UBXN7: variants seen among roughly 807,000 people sequenced by gnomAD.
The protein encoded by UBXN7 is UBX domain protein 7, also known as UBX domain-containing protein 7.
UBXN7 carries 9 observed loss-of-function variants against 58.0 expected under a neutral mutation model. The observed-to-expected ratio is 0.16, with a 90% confidence interval of 0.09 to 0.27. UBXN7 has a LOEUF of 0.27. Ranked by LOEUF, UBXN7 falls within the 10% of genes least tolerant of loss-of-function variation. The probability of loss-of-function intolerance (pLI) is 1.00; values close to 1 mark genes in which losing one functional copy is unlikely to be tolerated. For missense variants in UBXN7, 328 were observed against 599.6 expected (o/e 0.55, Z 4.73); for synonymous variants, 208 against 205.0 (o/e 1.01, Z -0.12).
Position 196,356,114 on chromosome 3 carries a change from A to G in UBXN7, c.*571T>C, listed in dbSNP as rs1443328623. 1 of 152,712 alleles carries G rather than the reference A, an allele frequency of 6.5e-6. No homozygotes were observed. Among genetic ancestry groups the G allele is most frequent in the Non-Finnish European group, 1.5e-5 (1 of 68,072 alleles). The allele number at this position is 152,712 out of a possible 1,614,324, so 9.5% of individuals were successfully genotyped here. On this transcript the variant is annotated 3_prime_UTR_variant, in exon 11 of 11. Coordinates refer to ENST00000296328, the MANE Select transcript of UBXN7 (RefSeq NM_015562.2). The stretch of plus-strand genomic sequence containing the variant: ...AGGTTTTTAAGTATGATGAGCAATC[A>G]TTACAAGGGATGCTTTTTCCACGTA...
At chr3:196,397,459 C>T (rs1325147921) in intron 3 of UBXN7, 1 of 152,238 alleles carries the variant, frequency 6.6e-6, no homozygotes, top group Non-Finnish European at 1.5e-5. Flanking sequence ...AAAATTTACT[C>T]TCACGCAGAC....
intron 4 of UBXN7, 143 bp downstream of exon 4, chr3:196,393,411 G>T: frequency 2.8e-6 from 2 of 707,908 alleles, no homozygotes; most frequent in South Asian, 2.7e-5. Context: ...TAGCTCAGGG[G>T]AGAATTAATC....
rs146508027 is a variant in UBXN7, at chr3:196,363,481, C to T, written c.835-794G>A. Among the ~76,000 whole-genome samples, 1,212 of 151,560 alleles carry T rather than the reference C, an allele frequency of 8.0e-3. 13 individuals carry two copies. Among genetic ancestry groups the T allele is most frequent in the African/African-American group, 0.028 (1,158 of 41,266 alleles). The stretch of plus-strand genomic sequence containing the variant: ...ACCATCCTGGCCAACATGGTGAAAC[C>T]CCGCCTCTACTAAAAATGATTAAGC... On this transcript the variant is annotated intron_variant, in intron 8 of 10. Transcript: ENST00000296328.
rs537976564 is a variant in UBXN7 at position 196,394,997 on chromosome 3, T to C, written c.290-1378A>G. On this transcript the variant is annotated intron_variant, in intron 3 of 10. Coordinates refer to ENST00000296328, the MANE Select transcript of UBXN7 (RefSeq NM_015562.2). ...TGCTAGAATCAAAATGTTATCTTCC[T>C]ATATCTATGTGTTCTTAAACCTAAA... Among the ~76,000 whole-genome samples, 4 of 152,332 alleles carry C rather than the reference T, an allele frequency of 2.6e-5. No homozygotes were observed. The East Asian group carries it at 7.7e-4, about 29-fold the overall frequency.
rs141051117 is a variant in UBXN7, at chr3:196,371,211, A to G, written c.615+685T>C. Among the ~76,000 whole-genome samples, 39 of 152,336 alleles carry G rather than the reference A, an allele frequency of 2.6e-4. 1 individual carries two copies. The East Asian group carries it at 7.5e-3, about 29-fold the overall frequency. On this transcript the variant is annotated intron_variant, in intron 6 of 10. Coordinates refer to ENST00000296328, the MANE Select transcript of UBXN7 (RefSeq NM_015562.2). ...CTGTCTAATACAGCAACCACTACCC[A>G]CAAGTGGCTACTGAAGCACCTGAAA...
chr3:196,403,163 T>TG (rs938849552), intron 2 of UBXN7, 144 bp from the exon 3 acceptor site: 68 of 843,646 alleles, frequency 8.1e-5, no homozygotes, highest in East Asian at 4.1e-4. Context: ...GCTATTTTTT[T>TG]GGGGGGGCGG....
intron 5 of UBXN7, among the ~76,000 whole-genome samples, chr3:196,377,384 C>A (rs1208396648): frequency 1.3e-5 from 2 of 152,160 alleles, no homozygotes; most frequent in Admixed American, 1.3e-4. Flanking sequence ...CGCATTCCCT[C>A]GCTTCACTAA....
chr3:196,355,197 C>T lies in UBXN7; in HGVS notation c.*1488G>A, dbSNP rs905838176. 3.3e-5 allele frequency: 5 copies of T among 152,258 alleles called. No homozygotes were observed. The highest frequency in any genetic ancestry group is 2.1e-4 in the South Asian group (1 of 4,832). 9.4% of individuals were successfully genotyped at this position (152,258 alleles called of 1,614,324 possible). On this transcript the variant is annotated 3_prime_UTR_variant, in exon 11 of 11. Transcript: ENST00000296328. ...CTCAGATAAAAGAATCAATCTAAAT[C>T]CTCAACTGACAAAAAGGTCCATTTA...
intron 5 of UBXN7, among the ~76,000 whole-genome samples, chr3:196,376,024 C>A (rs1729008481): frequency 6.6e-6 from 1 of 150,942 alleles, no homozygotes; most frequent in Non-Finnish European, 1.5e-5. Flanking sequence ...GCAAGACTGC[C>A]TCAAAAAAAG....
At chr3:196,356,990 C>A in intron 10 of UBXN7, 144 bp from the exon 11 acceptor site, 1 of 1,137,732 alleles carries the variant, frequency 8.8e-7, no homozygotes, top group Non-Finnish European at 1.2e-6. Flanking sequence ...CCAAAGCTTG[C>A]CCTTGGGGAA....
At chr3:196,371,697 G>A (rs1728837451) in intron 6 of UBXN7, among the ~76,000 whole-genome samples, 199 bp downstream of exon 6, 1 of 152,186 alleles carries the variant, frequency 6.6e-6, no homozygotes, top group Non-Finnish European at 1.5e-5. Context: ...TGGCCAGGCT[G>A]GTCTCAAACT....
chr3:196,400,776 A>G (rs1403459717), intron 3 of UBXN7: 3 of 339,128 alleles, frequency 8.8e-6, no homozygotes, highest in Admixed American at 4.4e-5. Context: ...GGGGCTTCCA[A>G]ATGGAATTCT....
intron 1 of UBXN7, among the ~76,000 whole-genome samples, chr3:196,422,873 A>G (rs1220064044): frequency 1.3e-5 from 2 of 152,210 alleles, no homozygotes; most frequent in Non-Finnish European, 2.9e-5. Flanking sequence ...TGATAAATGC[A>G]TAAACAAACC....
intron 7 of UBXN7, among the ~76,000 whole-genome samples, chr3:196,368,373 G>C (rs143848536): frequency 6.6e-6 from 1 of 151,766 alleles, no homozygotes; most frequent in African/African-American, 2.4e-5. Flanking sequence ...CATATGCATA[G>C]ATTAAAAACC....
chr3:196,432,295 A>T lies in UBXN7; in HGVS notation c.73+32T>A, dbSNP rs762913962. 15 of 1,612,210 alleles carry T rather than the reference A, an allele frequency of 9.3e-6. No homozygotes were observed. The Admixed American group carries it at 2.0e-4, about 22-fold the overall frequency. On this transcript the variant is annotated intron_variant, in intron 1 of 10. Coordinates refer to ENST00000296328, the MANE Select transcript of UBXN7 (RefSeq NM_015562.2). ...AGACCCGCTGCCCGCTCCGGACCCC[A>T]CTCTCCACCTTCCGGTAACCGCGTC... is the stretch of plus-strand genomic sequence containing the variant.
At chr3:196,384,506 AT>A (rs1390382185) in intron 5 of UBXN7, among the ~76,000 whole-genome samples, 2 of 152,208 alleles carry the variant, frequency 1.3e-5, no homozygotes, top group Non-Finnish European at 2.9e-5. Context: ...AAAAAGGAGA[AT>A]TTTAGACCAA....
rs1025795775 is a variant in UBXN7, at chr3:196,350,127, A to C, written c.*6558T>G. 5.3e-5 allele frequency: 8 copies of C among 152,262 alleles called. No individual in the cohort carries two copies. The highest frequency in any genetic ancestry group is 1.7e-4 in the African/African-American group (7 of 41,466). 9.4% of individuals were successfully genotyped at this position (152,262 alleles called of 1,614,324 possible). On this transcript the variant is annotated 3_prime_UTR_variant, in exon 11 of 11. Coordinates refer to ENST00000296328, the MANE Select transcript of UBXN7 (RefSeq NM_015562.2). ...TTTGCCATCTCTAATCCTAGAAATA[A>C]ATCTGGTTATCTTTTGAAAATACTT...
rs866036819 is a variant in UBXN7, at chr3:196,385,385, C to T, written c.468+6428G>A. Among the ~76,000 whole-genome samples, 51 of 152,318 alleles carry T rather than the reference C, an allele frequency of 3.3e-4. 1 individual carries two copies. Among genetic ancestry groups the T allele is most frequent in the Admixed American group, 6.5e-4 (10 of 15,304 alleles). On this transcript the variant is annotated intron_variant, in intron 5 of 10. Transcript: ENST00000296328. ...ACCTCCCAGCCGCCTGCCTTGGCCT[C>T]CCAAAGTGCCGAGATTGCAGCCTCT...
intron 1 of UBXN7, among the ~76,000 whole-genome samples, chr3:196,414,330 T>C (rs1560240952): frequency 1.3e-5 from 2 of 152,288 alleles, no homozygotes; most frequent in East Asian, 3.9e-4. Context: ...AATTCACCAA[T>C]ACGGAACCCA....
Sources: allele counts gnomAD v4.1 joint callset (sites outside exome capture counted in the v4.1 genomes callset), GRCh38; gene constraint gnomAD v4.1.1; transcripts MANE v1.5; gene names NCBI Gene and HGNC (gene_info 2026-07-23, HGNC 2026-07-21).